Variants in MROH9 observed in about 807,000 individuals in gnomAD.
MROH9 encodes maestro heat like repeat family member 9, also known as maestro heat-like repeat-containing protein family member 9.
In MROH9, 92 loss-of-function variants were observed where a neutral mutation model predicts 98.2. The ratio of observed to expected loss-of-function variants is 0.94; its 90% CI spans 0.79 to 1.11. MROH9 has a LOEUF of 1.11. Among genes scored for constraint, MROH9 ranks in the 50% most tolerant of loss-of-function variants. MROH9 has a pLI of 0.00. For synonymous variants in MROH9, 397 were observed against 368.9 expected, an observed-to-expected ratio of 1.08 and a Z score of -0.87; for missense variants, 1,057 against 1,014.8, an observed-to-expected ratio of 1.04 and a Z score of -0.57.
At chr1:171,005,640 C>T (rs1453665594) in intron 15 of MROH9, among the ~76,000 whole-genome samples, 4 of 152,056 alleles carry the variant, frequency 2.6e-5, no homozygotes, top group Non-Finnish European at 5.9e-5. Context: ...TGCAGCTTTA[C>T]TGAATTTATT....
chr1:170,999,015 A>C, intron 15 of MROH9, among the ~76,000 whole-genome samples: 1 of 152,144 alleles, frequency 6.6e-6, no homozygotes, highest in East Asian at 1.9e-4. Context: ...ACATTGTGGT[A>C]GTCATCAATG....
At chr1:170,984,674 G>A (rs1015815802) in intron 9 of MROH9, among the ~76,000 whole-genome samples, 1 of 152,154 alleles carries the variant, frequency 6.6e-6, no homozygotes, top group Admixed American at 6.5e-5. Context: ...CTAGGTTGGT[G>A]TCCTTGCTTA....
At chr1:171,062,385 A>T (rs1227500053) in intron 21 of MROH9, among the ~76,000 whole-genome samples, 191 bp downstream of exon 21, 2 of 152,086 alleles carry the variant, frequency 1.3e-5, no homozygotes, top group Non-Finnish European at 2.9e-5. Context: ...TTCTCTTTCT[A>T]TTCTATTTCC....
chr1:171,063,270 T>C (rs1364067241), intron 21 of MROH9, among the ~76,000 whole-genome samples: 2 of 144,482 alleles, frequency 1.4e-5, no homozygotes, highest in African/African-American at 5.7e-5. Flanking sequence ...TTTTTTTTTT[T>C]TGAGACGGAG....
chr1:170,948,093 T>G (rs991396856), intron 3 of MROH9, among the ~76,000 whole-genome samples: 2 of 152,072 alleles, frequency 1.3e-5, no homozygotes, highest in Non-Finnish European at 2.9e-5. Context: ...ATTATTCATC[T>G]TTGTGTTCTC....
intron 7 of MROH9, among the ~76,000 whole-genome samples, chr1:170,970,741 A>T (rs1428499637): frequency 5.9e-3 from 681 of 115,482 alleles, no homozygotes; most frequent in African/African-American, 0.023. Context: ...TGAGAGAGAG[A>T]GAGAGAGAGA....
chr1:171,014,339 G>C (rs750583393), intron 16 of MROH9, 85 bp downstream of exon 16: 16 of 1,287,842 alleles, frequency 1.2e-5, no homozygotes, highest in Non-Finnish European at 1.7e-5. Flanking sequence ...CACTGACAAA[G>C]CGGTGATATT....
intron 20 of MROH9, among the ~76,000 whole-genome samples, chr1:171,052,282 T>A (rs1653693572): frequency 6.6e-6 from 1 of 152,174 alleles, no homozygotes; most frequent in Non-Finnish European, 1.5e-5. Context: ...CTTATTTGAG[T>A]CTCAGAGTTG....
chr1:170,950,354 A>T (rs535822969), intron 3 of MROH9, among the ~76,000 whole-genome samples: 1 of 152,098 alleles, frequency 6.6e-6, no homozygotes, highest in African/African-American at 2.4e-5. Flanking sequence ...TCAGACTTAG[A>T]ATAGTCCATA....
chr1:170,944,878 T>A (rs1649263943), intron 1 of MROH9, among the ~76,000 whole-genome samples: 1 of 152,090 alleles, frequency 6.6e-6, no homozygotes, highest in African/African-American at 2.4e-5. Flanking sequence ...GATGAAGATC[T>A]GAATATGATG....
chr1:170,955,595 T>C (rs1447303975), intron 3 of MROH9, among the ~76,000 whole-genome samples: 1 of 152,230 alleles, frequency 6.6e-6, no homozygotes, highest in Non-Finnish European at 1.5e-5. Context: ...TTTTCATATG[T>C]TTGTTGGCCA....
chr1:171,060,623 G>A (rs1653981623), intron 20 of MROH9, among the ~76,000 whole-genome samples: 1 of 152,140 alleles, frequency 6.6e-6, no homozygotes. Flanking sequence ...TTACGTCTAG[G>A]TGACACTGCC....
intron 8 of MROH9, among the ~76,000 whole-genome samples, chr1:170,972,835 C>T (rs1442493287): frequency 0.011 from 1,606 of 142,494 alleles, 37 homozygotes; most frequent in African/African-American, 0.044. Flanking sequence ...AAAATACACA[C>T]ACACACACAC....
chr1:171,054,899 C>T (rs187266869), intron 20 of MROH9, among the ~76,000 whole-genome samples: 59 of 152,148 alleles, frequency 3.9e-4, no homozygotes, highest in Admixed American at 9.2e-4. Context: ...TTTTACACTG[C>T]TGGTGGGAAT....
At chr1:170,997,643 T>G (rs1651629939) in intron 14 of MROH9, among the ~76,000 whole-genome samples, 1 of 152,148 alleles carries the variant, frequency 6.6e-6, no homozygotes. Context: ...CAGGCCACCA[T>G]GTCAGTACAA....
At chr1:171,023,848 A>G (rs1373974118) in intron 17 of MROH9, among the ~76,000 whole-genome samples, 2 of 152,152 alleles carry the variant, frequency 1.3e-5, no homozygotes, top group African/African-American at 2.4e-5. Flanking sequence ...GATCTCTAGA[A>G]TTTATTCATC....
chr1:170,968,908 T>A (rs1650335193), intron 7 of MROH9, among the ~76,000 whole-genome samples: 3 of 152,210 alleles, frequency 2.0e-5, no homozygotes, highest in African/African-American at 2.4e-5. Flanking sequence ...ACCATATTAT[T>A]GATTTTCAAC....
At chr1:170,959,362 G>A (rs927662044) in intron 4 of MROH9, 100 bp from the exon 5 acceptor site, 17 of 1,124,448 alleles carry the variant, frequency 1.5e-5, no homozygotes, top group Admixed American at 3.0e-5. Context: ...GTGACAGAGC[G>A]AGACTCTGTC....
In MROH9 at chr1:171,004,955, G is replaced by T. The variant is rs113316061; in HGVS notation, c.1596+6681G>T. ...TTCAAGATTATTTTGACTATTTGGG[G>T]TGTTTATTGGTCTCACACAAACCTT... On this transcript the variant is annotated intron_variant, in intron 15 of 21. Transcript: ENST00000367759. 6.9e-3 allele frequency among the ~76,000 whole-genome samples: 1,045 copies of T among 151,236 alleles called. 19 individuals are homozygous for T. Among genetic ancestry groups the T allele is most frequent in the African/African-American group, 0.024 (988 of 40,858 alleles).
Sources: gnomAD v4.1 joint callset for allele counts (sites outside exome capture counted in the v4.1 genomes callset) on GRCh38, gnomAD v4.1.1 for gene constraint, MANE v1.5 for transcripts, NCBI Gene and HGNC (gene_info 2026-07-23, HGNC 2026-07-21) for gene names.